Variants in NEU3 observed in about 807,000 individuals in gnomAD.
NEU3 encodes neuraminidase 3, also known as sialidase-3.
NEU3 carries 10 observed loss-of-function variants against 11.4 expected under a neutral mutation model. The observed-to-expected ratio is 0.88, with a 90% confidence interval of 0.54 to 1.49. The LOEUF is 1.49. NEU3 is among the 40% of genes most tolerant of loss of function. The probability of loss-of-function intolerance (pLI) is 0.00; values close to 1 mark genes in which losing one functional copy is unlikely to be tolerated. For missense variants in NEU3, 529 were observed against 581.8 expected (o/e 0.91, Z 0.93); for synonymous variants, 212 against 228.2 (o/e 0.93, Z 0.64).
In NEU3 at chr11:75,006,963, A is replaced by C. The variant is rs1460779936; in HGVS notation, c.*471A>C. The stretch of plus-strand genomic sequence containing the variant: ...GAGTGTGAGGTTACAAGCAGGTGTC[A>C]TGGCAGGAAGGAAGACCAGATCTGT... On this transcript the variant is annotated 3_prime_UTR_variant, in exon 3 of 3. Coordinates refer to ENST00000294064, the MANE Select transcript of NEU3 (RefSeq NM_006656.6). 6.4e-6 allele frequency: 1 copy of C among 156,014 alleles called. No homozygotes were observed. Among genetic ancestry groups the C allele is most frequent in the Non-Finnish European group, 1.4e-5 (1 of 70,552 alleles). The allele number at this position is 156,014 out of a possible 1,614,324, so 9.7% of individuals were successfully genotyped here. A position where few individuals can be genotyped will look rare whatever the true frequency, so the allele number is the denominator to read the frequency against.
downstream of NEU3, among the ~76,000 whole-genome samples, chr11:75,012,404 G>A (rs116541653): frequency 0.025 from 3,763 of 152,292 alleles, 161 homozygotes; most frequent in African/African-American, 0.086. Context: ...GGGGTCATCC[G>A]TAGGCTTGGG....
In NEU3 at chr11:75,008,671, C is replaced by G. The variant is rs191838367; in HGVS notation, c.*2179C>G. The stretch of plus-strand genomic sequence containing the variant: ...CTGGGTTCAAGCAATTCTCCTGCCT[C>G]AGCCTCCCAAGTAGCTGGGATTACA... On this transcript the variant is annotated 3_prime_UTR_variant, in exon 3 of 3. Coordinates refer to ENST00000294064, the MANE Select transcript of NEU3 (RefSeq NM_006656.6). 6.6e-6 allele frequency: 1 copy of G among 152,096 alleles called. No individual in the cohort carries two copies. Among genetic ancestry groups the G allele is most frequent in the African/African-American group, 2.4e-5 (1 of 41,418 alleles). 9.4% of individuals were successfully genotyped at this position (152,096 alleles called of 1,614,324 possible). A position where few individuals can be genotyped will look rare whatever the true frequency, so the allele number is the denominator to read the frequency against.
rs770409657 is a variant in NEU3 at position 75,005,823 on chromosome 11, T to C, written c.717T>C (p.Asp239=). 1 of 1,614,038 alleles carries C rather than the reference T, an allele frequency of 6.2e-7. No individual in the cohort carries two copies. The highest frequency in any genetic ancestry group is 1.1e-5 in the South Asian group (1 of 91,088). ...TRPHSLMIYS[D]DLGVTWHHGR... is the part of the protein sequence containing the mutation. Reference sequence around the variant, plus strand: ...CTCATTCTCTGATGATCTACAGTGATGACCTAGGGGTCACATGGCACCATG... The same window carrying C: ...CTCATTCTCTGATGATCTACAGTGACGACCTAGGGGTCACATGGCACCATG... Residue 239 remains aspartate (D), a synonymous_variant, in exon 3 of 3, where the codon GAT becomes GAC. Coordinates refer to ENST00000294064, the MANE Select transcript of NEU3 (RefSeq NM_006656.6).
At chr11:74,999,241 G>T (rs1948820796) in intron 2 of NEU3, among the ~76,000 whole-genome samples, 1 of 152,086 alleles carries the variant, frequency 6.6e-6, no homozygotes, top group Non-Finnish European at 1.5e-5. Flanking sequence ...CAAACTCCTG[G>T]CCTCAAGCAA....
At chr11:74,987,631 G>A (rs4944965), upstream of NEU3, among the ~76,000 whole-genome samples, 41,423 of 151,722 alleles carry the variant, frequency 0.27, 6,290 homozygotes, top group East Asian at 0.54. Context: ...GGCTAACATG[G>A]TGAAACCCCG....
chr11:74,999,415 T>C (rs1189743789), intron 2 of NEU3, among the ~76,000 whole-genome samples: 1 of 152,238 alleles, frequency 6.6e-6, no homozygotes, highest in Non-Finnish European at 1.5e-5. Context: ...TATTTCATTC[T>C]CTGACTTATT....
chr11:75,002,704 G>A (rs1948858044), intron 2 of NEU3, among the ~76,000 whole-genome samples: 1 of 152,198 alleles, frequency 6.6e-6, no homozygotes, highest in East Asian at 1.9e-4. Context: ...AATATTCCAA[G>A]AAATAGAATG....
upstream of NEU3, among the ~76,000 whole-genome samples, chr11:74,985,608 C>T (rs938176824): frequency 2.0e-5 from 3 of 152,090 alleles, no homozygotes; most frequent in African/African-American, 4.8e-5. Flanking sequence ...AGGACCCACG[C>T]GACTCAGCAT....
intron 3 of NEU3, among the ~76,000 whole-genome samples, chr11:75,018,435 C>G (rs1392065060): frequency 6.6e-6 from 1 of 152,080 alleles, no homozygotes; most frequent in African/African-American, 2.4e-5. Context: ...AAATCAGCTG[C>G]CAGTGCAGCT....
In NEU3 at chr11:75,006,162, G is replaced by T; in HGVS notation, c.1056G>T (p.Glu352Asp). 1.2e-6 allele frequency: 2 copies of T among 1,614,032 alleles called. No homozygotes were observed. Among genetic ancestry groups the T allele is most frequent in the Non-Finnish European group, 1.7e-6 (2 of 1,179,898 alleles). The stretch of plus-strand genomic sequence containing the variant: ...CAGGCAGTTCACTGAGGCTGGAGGA[G>T]GAAGCTGGAACACCGTCAGAATCAT... ...SSPGSSLRLEEEAGTPSESWL... is the reference protein window; with the variant it reads ...SSPGSSLRLEDEAGTPSESWL... Residue 352 changes from glutamate (E) to aspartate (D), a missense_variant, in exon 3 of 3, where the codon GAG becomes GAT. Transcript: ENST00000294064.
chr11:75,016,607 A>G (rs1948982525), intron 3 of NEU3, among the ~76,000 whole-genome samples: 1 of 152,168 alleles, frequency 6.6e-6, no homozygotes, highest in Admixed American at 6.6e-5. Flanking sequence ...GAATGAATTA[A>G]TGGCCATTCT....
chr11:74,996,146 C>T (rs564873256), intron 2 of NEU3, among the ~76,000 whole-genome samples: 25 of 152,076 alleles, frequency 1.6e-4, no homozygotes, highest in Non-Finnish European at 3.5e-4. Context: ...AGAGCAATAC[C>T]CTGTCTACCC....
chr11:74,999,216 T>G (rs1948820537), intron 2 of NEU3, among the ~76,000 whole-genome samples: 2 of 152,202 alleles, frequency 1.3e-5, no homozygotes. Flanking sequence ...GCTTGATCAT[T>G]GCATACTATA....
intron 1 of NEU3, chr11:74,990,145 C>A: frequency 1.6e-6 from 1 of 640,138 alleles, no homozygotes; most frequent in South Asian, 1.8e-5. Context: ...ATTAAAACAG[C>A]AGTTTAAAAT....
chr11:75,012,102 C>T (rs927272590), downstream of NEU3, among the ~76,000 whole-genome samples: 2 of 152,186 alleles, frequency 1.3e-5, no homozygotes, highest in African/African-American at 2.4e-5. Flanking sequence ...CCCTGAGTGA[C>T]GTGTCCAGTT....
chr11:74,994,332 A>G (rs991117773), intron 1 of NEU3, among the ~76,000 whole-genome samples, 177 bp from the exon 2 acceptor site: 17 of 152,246 alleles, frequency 1.1e-4, no homozygotes, highest in Non-Finnish European at 2.9e-5. Flanking sequence ...TTAAACAAGA[A>G]TGTATATTGC....
the NEU3 span, among the ~76,000 whole-genome samples, chr11:74,982,060 G>C: frequency 6.6e-6 from 1 of 152,228 alleles, no homozygotes; most frequent in East Asian, 1.9e-4. Flanking sequence ...CTGAAAGGCA[G>C]TATGGCCATG....
chr11:74,994,767 C>A, intron 2 of NEU3, 47 bp downstream of exon 2: 1 of 1,525,184 alleles, frequency 6.6e-7, no homozygotes, highest in Non-Finnish European at 9.1e-7. Flanking sequence ...TTTCTCTTCA[C>A]AAAGCTCAGA....
downstream of NEU3, among the ~76,000 whole-genome samples, chr11:75,015,043 C>T (rs142786201): frequency 9.9e-5 from 15 of 152,108 alleles, no homozygotes; most frequent in South Asian, 2.1e-4. Context: ...ATAATGTGTG[C>T]GCAATGTGTA....
Sources: allele counts gnomAD v4.1 joint callset (sites outside exome capture counted in the v4.1 genomes callset), GRCh38; gene constraint gnomAD v4.1.1; transcripts MANE v1.5; gene names NCBI Gene and HGNC (gene_info 2026-07-23, HGNC 2026-07-21).